The following AGBL4 variants were observed in gnomAD, a reference collection of about 807,000 sequenced individuals.
AGBL4 encodes AGBL carboxypeptidase 4.
In AGBL4, 58 loss-of-function variants were observed where a neutral mutation model predicts 66.4. That is an observed-to-expected ratio of 0.87 (90% CI 0.71 to 1.09). The LOEUF is 1.09. AGBL4 is among the 50% of genes least tolerant of loss of function. The pLI is 0.00. For missense variants in AGBL4, 579 were observed against 631.0 expected, an observed-to-expected ratio of 0.92 and a Z score of 0.88; for synonymous variants, 234 against 222.9, an observed-to-expected ratio of 1.05 and a Z score of -0.44.
intron 3 of AGBL4, among the ~76,000 whole-genome samples, chr1:49,546,145 C>T (rs1335908338): frequency 2.6e-5 from 4 of 152,138 alleles, no homozygotes; most frequent in African/African-American, 9.7e-5. Context: ...TTTTCCATTT[C>T]TGAGTTACTT....
In AGBL4 at chr1:49,184,118, G is replaced by T. The variant is rs541824915; in HGVS notation, c.377+61652C>A. On this transcript the variant is annotated intron_variant, in intron 4 of 13. Transcript: ENST00000371839. ...AAAAACTAACATTTACAAGGTGCCA[G>T]ATGTAGAACTCACTCTCATACATAC... Among the ~76,000 whole-genome samples the T allele has an allele frequency of 2.6e-5, 4 of 152,262 alleles. No homozygotes were observed. In the South Asian group the frequency reaches 6.2e-4, roughly 24 times the overall value.
chr1:48,944,693 C>T (rs1430160658), intron 5 of AGBL4, among the ~76,000 whole-genome samples: 1 of 152,156 alleles, frequency 6.6e-6, no homozygotes, highest in Admixed American at 6.5e-5. Flanking sequence ...CGCAACCCTT[C>T]TCCTACCCCC....
intron 10 of AGBL4, among the ~76,000 whole-genome samples, chr1:48,588,571 C>T (rs756850480): frequency 2.0e-5 from 3 of 151,540 alleles, no homozygotes; most frequent in Non-Finnish European, 2.9e-5. Context: ...ATGTCTTATT[C>T]GGCAGGAGAT....
At chr1:49,324,641 C>T (rs1645194103) in intron 3 of AGBL4, among the ~76,000 whole-genome samples, 1 of 152,194 alleles carries the variant, frequency 6.6e-6, no homozygotes, top group African/African-American at 2.4e-5. Flanking sequence ...CCTTCAGCAG[C>T]ATAGAACCAG....
At chr1:49,069,938 G>A (rs532660754) in intron 4 of AGBL4, among the ~76,000 whole-genome samples, 40 of 151,874 alleles carry the variant, frequency 2.6e-4, no homozygotes, top group African/African-American at 4.9e-4. Context: ...TCCGTGAAGC[G>A]GTCCTTCACA....
intron 5 of AGBL4, among the ~76,000 whole-genome samples, chr1:48,942,499 A>C (rs1374847562): frequency 6.6e-6 from 1 of 152,202 alleles, no homozygotes; most frequent in South Asian, 2.1e-4. Flanking sequence ...TTATTAAATG[A>C]GATGATTTTG....
chr1:49,082,837 C>A (rs185245180), intron 4 of AGBL4, among the ~76,000 whole-genome samples: 75 of 152,292 alleles, frequency 4.9e-4, no homozygotes, highest in Non-Finnish European at 7.5e-4. Context: ...ACCTATGAGC[C>A]TGTAAAATCA....
chr1:49,057,243 G>A (rs1213118883), intron 4 of AGBL4, among the ~76,000 whole-genome samples: 1 of 151,964 alleles, frequency 6.6e-6, no homozygotes, highest in African/African-American at 2.4e-5. Context: ...TCTACCAAAA[G>A]AGAAAAGAAA....
chr1:49,672,921 C>CAAAAAAAAAAAAAAAAAA (rs60612868), intron 3 of AGBL4, among the ~76,000 whole-genome samples: 1 of 47,060 alleles, frequency 2.1e-5, no homozygotes. Flanking sequence ...AACTCCATCT[C>CAAAAAAAAAAAAAAAAAA]AAAAAAAAAA....
chr1:48,778,925 C>CTTGA (rs1645214584), intron 6 of AGBL4, among the ~76,000 whole-genome samples: 1 of 152,168 alleles, frequency 6.6e-6, no homozygotes, highest in African/African-American at 2.4e-5. Flanking sequence ...AAAATGACCA[C>CTTGA]CACTTGTCCT....
chr1:49,413,825 C>A (rs1645370429), intron 3 of AGBL4, among the ~76,000 whole-genome samples: 1 of 152,090 alleles, frequency 6.6e-6, no homozygotes, highest in African/African-American at 2.4e-5. Flanking sequence ...AATCTTACTT[C>A]AAGTCTTGGC....
chr1:49,929,452 GA>G (rs925956653), intron 1 of AGBL4, among the ~76,000 whole-genome samples: 51 of 151,798 alleles, frequency 3.4e-4, no homozygotes, highest in African/African-American at 1.2e-3. Flanking sequence ...AGTAGTGAAA[GA>G]AAAAAATAAA....
At chr1:49,771,706 T>C (rs1451672425) in intron 2 of AGBL4, among the ~76,000 whole-genome samples, 1 of 152,100 alleles carries the variant, frequency 6.6e-6, no homozygotes, top group East Asian at 1.9e-4. Context: ...TTACAATTGT[T>C]ACACATTATT....
At chr1:49,837,865 C>G (rs901237260) in intron 2 of AGBL4, among the ~76,000 whole-genome samples, 3 of 152,036 alleles carry the variant, frequency 2.0e-5, no homozygotes, top group African/African-American at 7.2e-5. Context: ...AACAAAAAAA[C>G]AGCTTCTCCT....
intron 3 of AGBL4, among the ~76,000 whole-genome samples, chr1:49,483,637 T>C (rs574504525): frequency 2.0e-5 from 3 of 151,956 alleles, no homozygotes; most frequent in South Asian, 2.1e-4. Context: ...CCTTAAACTA[T>C]AAAACTACTA....
At chr1:49,279,228 CTGAT>C (rs1644228904) in intron 3 of AGBL4, among the ~76,000 whole-genome samples, 1 of 152,068 alleles carries the variant, frequency 6.6e-6, no homozygotes, top group South Asian at 2.1e-4. Context: ...TTTTTCATGA[CTGAT>C]TGATTGAAAA....
At chr1:49,329,304 C>A (rs891079947) in intron 3 of AGBL4, among the ~76,000 whole-genome samples, 84 of 152,032 alleles carry the variant, frequency 5.5e-4, no homozygotes, top group African/African-American at 1.9e-3. Flanking sequence ...GAGATTCCGT[C>A]TCAAAACAAA....
At chr1:48,529,933 A>G (rs72899126), downstream of AGBL4, among the ~76,000 whole-genome samples, 1,751 of 152,266 alleles carry the variant, frequency 0.011, 34 homozygotes, top group African/African-American at 0.04. Context: ...AGAGATAGGA[A>G]GAAGGCAGGG....
At chr1:49,678,131 T>C (rs1646616844) in intron 3 of AGBL4, among the ~76,000 whole-genome samples, 1 of 152,222 alleles carries the variant, frequency 6.6e-6, no homozygotes, top group African/African-American at 2.4e-5. Context: ...ACAAATTCAA[T>C]GTCCTTAATA....
Sources: gnomAD v4.1 joint callset for allele counts (sites outside exome capture counted in the v4.1 genomes callset) on GRCh38, gnomAD v4.1.1 for gene constraint, MANE v1.5 for transcripts, NCBI Gene and HGNC (gene_info 2026-07-23, HGNC 2026-07-21) for gene names.